SLC35F3: variants seen among roughly 807,000 people sequenced by gnomAD.
The protein encoded by SLC35F3 is putative thiamine transporter SLC35F3.
SLC35F3 carries 25 observed loss-of-function variants against 49.9 expected under a neutral mutation model. The ratio of observed to expected loss-of-function variants is 0.50; its 90% CI spans 0.37 to 0.70. The LOEUF is 0.70. SLC35F3 is among the 30% of genes least tolerant of loss of function. SLC35F3 has a pLI of 0.00. For synonymous variants in SLC35F3, 275 were observed against 265.4 expected, an observed-to-expected ratio of 1.04 and a Z score of -0.35; for missense variants, 525 against 639.8, an observed-to-expected ratio of 0.82 and a Z score of 1.94.
chr1:233,935,018 C>A (rs1357711857), intron 2 of SLC35F3, among the ~76,000 whole-genome samples: 1 of 151,484 alleles, frequency 6.6e-6, no homozygotes, highest in Non-Finnish European at 1.5e-5. Flanking sequence ...CAGGCAAGAT[C>A]TCTGTGCTGA....
chr1:234,303,690 T>C (rs1336369228), intron 3 of SLC35F3, among the ~76,000 whole-genome samples: 2 of 152,268 alleles, frequency 1.3e-5, no homozygotes, highest in Non-Finnish European at 2.9e-5. Flanking sequence ...GCTTCCATTT[T>C]GGTTGTGGTG....
intron 2 of SLC35F3, among the ~76,000 whole-genome samples, chr1:234,008,441 G>T (rs1663664175): frequency 6.6e-6 from 1 of 152,096 alleles, no homozygotes; most frequent in African/African-American, 2.4e-5. Context: ...TCTGGTCAGG[G>T]GTCTAAAGGT....
intron 2 of SLC35F3, among the ~76,000 whole-genome samples, chr1:234,159,551 C>CA (rs1009854680): frequency 1.5e-4 from 22 of 145,856 alleles, no homozygotes; most frequent in South Asian, 6.5e-4. Context: ...CACTCCGTCT[C>CA]AAAAAAAAAA....
intron 2 of SLC35F3, among the ~76,000 whole-genome samples, chr1:233,985,265 C>T (rs533674210): frequency 6.6e-6 from 1 of 152,332 alleles, no homozygotes; most frequent in African/African-American, 2.4e-5. Context: ...GTTTACCAAA[C>T]AGCACACAGT....
rs150665947 is a variant in SLC35F3, at chr1:234,271,779, C to A, written c.609-37322C>A. 2.1e-3 allele frequency among the ~76,000 whole-genome samples: 312 copies of A among 152,144 alleles called. 1 individual carries two copies. Among genetic ancestry groups the A allele is most frequent in the African/African-American group, 7.0e-3 (292 of 41,490 alleles). On this transcript the variant is annotated intron_variant, in intron 3 of 7. Transcript: ENST00000366618. ...ATGATCCCAGTGAATAATGATAATT[C>A]CTTGACCTTCAATTAATGAGTGCAG...
rs1486272379 is a variant in SLC35F3, at chr1:233,952,736, C to G, written c.283+46978C>G. Among the ~76,000 whole-genome samples, 3 of 152,108 alleles carry G rather than the reference C, an allele frequency of 2.0e-5. No homozygotes were observed. In the East Asian group the frequency reaches 5.8e-4, roughly 29 times the overall value. On this transcript the variant is annotated intron_variant, in intron 2 of 7. Transcript: ENST00000366618. ...ATGCTTTCTTCACTCTGTTTGTAAC[C>G]CTTGGCATCTGGTTTCTCTCTCCTC...
intron 2 of SLC35F3, among the ~76,000 whole-genome samples, chr1:234,094,135 TTCACCTCTGGGGAC>T (rs1665084460): frequency 1.3e-5 from 2 of 152,192 alleles, no homozygotes; most frequent in South Asian, 4.1e-4. Flanking sequence ...TGAATTAGCC[TTCACCTCTGGGGAC>T]TCAGCCGCTG....
At position 234,214,352 on chromosome 1, in the gene SLC35F3, G is replaced by A; in HGVS notation, c.284-17065G>A. The A allele has an allele frequency of 7.6e-7, 1 of 1,316,142 alleles. No homozygotes were observed. 81.5% of individuals were successfully genotyped at this position (1,316,142 alleles called of 1,614,324 possible). ...GGCAACCGGAGCCCGGCGGGCAGCCGGGGAGGCCGGGACTGAGAGGGGCGA... is the reference window on the plus strand; with the variant it reads ...GGCAACCGGAGCCCGGCGGGCAGCCAGGGAGGCCGGGACTGAGAGGGGCGA... On this transcript the variant is annotated intron_variant, in intron 2 of 7. Transcript: ENST00000366618. This position sits in a 1 kb window ranked among gnomAD's most constrained non-coding sequence, Gnocchi z 8.0.
chr1:234,182,540 T>C (rs1402885821), intron 2 of SLC35F3, among the ~76,000 whole-genome samples: 1 of 152,230 alleles, frequency 6.6e-6, no homozygotes, highest in South Asian at 2.1e-4. Context: ...GTAATACATA[T>C]CCTGTGCATA....
chr1:234,023,806 C>T (rs1663936832), intron 2 of SLC35F3, among the ~76,000 whole-genome samples: 1 of 150,438 alleles, frequency 6.6e-6, no homozygotes, highest in African/African-American at 2.4e-5. Context: ...CCCAATAACG[C>T]CAATCTAGTT....
intron 2 of SLC35F3, among the ~76,000 whole-genome samples, chr1:233,923,632 C>T (rs1458854453): frequency 1.3e-5 from 2 of 152,062 alleles, no homozygotes; most frequent in Non-Finnish European, 2.9e-5. Flanking sequence ...AATTGAATAC[C>T]CTTTATTTCC....
intron 2 of SLC35F3, among the ~76,000 whole-genome samples, chr1:233,967,231 A>G (rs774695885): frequency 4.1e-4 from 62 of 152,022 alleles, no homozygotes; most frequent in Admixed American, 1.3e-3. Flanking sequence ...GACGCATTTC[A>G]ATGAAAAATG....
intron 3 of SLC35F3, among the ~76,000 whole-genome samples, chr1:234,276,542 T>A (rs1264184234): frequency 6.6e-6 from 1 of 152,184 alleles, no homozygotes; most frequent in African/African-American, 2.4e-5. Flanking sequence ...AGTAGAAAGC[T>A]TCATGAAGAT....
At chr1:234,202,645 G>A (rs892074397) in intron 2 of SLC35F3, among the ~76,000 whole-genome samples, 1 of 152,190 alleles carries the variant, frequency 6.6e-6, no homozygotes, top group African/African-American at 2.4e-5. Context: ...CTTCATGGGC[G>A]GGAGCCCTCC....
chr1:234,257,887 G>A (rs1361670540), intron 3 of SLC35F3, among the ~76,000 whole-genome samples: 1 of 152,176 alleles, frequency 6.6e-6, no homozygotes, highest in African/African-American at 2.4e-5. Context: ...GCATTTGATA[G>A]GTATATGCAT....
At chr1:234,167,968 A>G (rs1666343634) in intron 2 of SLC35F3, among the ~76,000 whole-genome samples, 1 of 152,208 alleles carries the variant, frequency 6.6e-6, no homozygotes, top group Non-Finnish European at 1.5e-5. Flanking sequence ...TGTTAGAACT[A>G]CTTAGCTTTG....
intron 2 of SLC35F3, among the ~76,000 whole-genome samples, chr1:234,029,175 C>G (rs1205875110): frequency 6.6e-6 from 1 of 152,144 alleles, no homozygotes; most frequent in Non-Finnish European, 1.5e-5. Context: ...GGCTCTTCAT[C>G]TACAGGAGAA....
chr1:234,311,166 G>C (rs995241565), intron 4 of SLC35F3, among the ~76,000 whole-genome samples: 1 of 152,216 alleles, frequency 6.6e-6, no homozygotes, highest in Non-Finnish European at 1.5e-5. Context: ...CGAAGTGCAT[G>C]ACCAGTCATC....
In SLC35F3 at chr1:233,988,791, A is replaced by G. The variant is rs532563830; in HGVS notation, c.283+83033A>G. 3.3e-5 allele frequency among the ~76,000 whole-genome samples: 5 copies of G among 152,276 alleles called. No homozygotes were observed. In the South Asian group the frequency reaches 1.0e-3, roughly 32 times the overall value. Reference sequence around the variant, plus strand: ...TATCATTTAAGTGAGATTTCCAGAGAATTGTAAAACTTCTGCCAAGCCTTA... The same window carrying G: ...TATCATTTAAGTGAGATTTCCAGAGGATTGTAAAACTTCTGCCAAGCCTTA... On this transcript the variant is annotated intron_variant, in intron 2 of 7. Transcript: ENST00000366618.
Sources: gnomAD v4.1 joint callset for allele counts (sites outside exome capture counted in the v4.1 genomes callset) on GRCh38, gnomAD v4.1.1 for gene constraint, Gnocchi (gnomAD v3.1) non-coding constraint, MANE v1.5 for transcripts, NCBI Gene and HGNC (gene_info 2026-07-23, HGNC 2026-07-21) for gene names.